The following LINS1 variants were observed in gnomAD, a reference collection of about 807,000 sequenced individuals.
LINS1 encodes the protein protein Lines homolog 1.
LINS1 carries 27 observed loss-of-function variants against 41.6 expected under a neutral mutation model. The observed-to-expected ratio is 0.65, with a 90% CI of 0.48 to 0.89. The LOEUF is 0.89. Among genes scored for constraint, LINS1 ranks in the 40% least tolerant of loss-of-function variants. LINS1 has a pLI of 0.00. For synonymous variants in LINS1, 336 were observed against 312.9 expected (o/e 1.07, Z -0.78); for missense variants, 955 against 884.1 (o/e 1.08, Z -1.02).
At chr15:100,596,990 T>G (rs994810564) in intron 1 of LINS1, 1 of 152,222 alleles carries the variant, frequency 6.6e-6, no homozygotes, top group Admixed American at 6.5e-5. Flanking sequence ...GCCCACCCAT[T>G]TCCTGGAAAC....
In LINS1 at chr15:100,587,031, C is replaced by T. The variant is rs149571304; in HGVS notation, c.-103-6086G>A. 6.0e-3 allele frequency among the ~76,000 whole-genome samples: 918 copies of T among 151,846 alleles called. 3 individuals carry two copies. Among genetic ancestry groups the T allele is most frequent in the Non-Finnish European group, 0.01 (691 of 67,930 alleles). On this transcript the variant is annotated intron_variant, in intron 1 of 6. Coordinates refer to ENST00000314742, the MANE Select transcript of LINS1 (RefSeq NM_001040616.3). ...AAAATTAGCTGGGCATGGTGGCCTG[C>T]GCCTGTACTCCCAGCCACTTGGGAG...
Position 100,580,903 on chromosome 15 carries a change from C to T in LINS1, c.-61G>A. On this transcript the variant is annotated 5_prime_UTR_variant, in exon 2 of 7. Coordinates refer to ENST00000314742, the MANE Select transcript of LINS1 (RefSeq NM_001040616.3). ...CAACTCCAAGTTGTAAACATTAAAT[C>T]TCAGAAGTGCAATGAATCTCTAAGA... 1 of 1,460,048 alleles carries T rather than the reference C, an allele frequency of 6.8e-7. No individual in the cohort carries two copies. Among genetic ancestry groups the T allele is most frequent in the South Asian group, 1.2e-5 (1 of 82,094 alleles). The allele number at this position is 1,460,048 out of a possible 1,614,324, so 90.4% of individuals were successfully genotyped here.
chr15:100,571,748 T>C (rs903531749), intron 6 of LINS1, 146 bp downstream of exon 6: 2 of 948,590 alleles, frequency 2.1e-6, no homozygotes, highest in African/African-American at 1.6e-5. Context: ...CTCCTTTTCA[T>C]GTAAGTCAGG....
At chr15:100,592,360 C>A (rs1281304307) in intron 1 of LINS1, among the ~76,000 whole-genome samples, 1 of 152,172 alleles carries the variant, frequency 6.6e-6, no homozygotes. Flanking sequence ...TGGATTTTTA[C>A]GGAGGCTTCT....
chr15:100,575,506 G>C (rs1479360569), intron 3 of LINS1, among the ~76,000 whole-genome samples: 1 of 152,038 alleles, frequency 6.6e-6, no homozygotes, highest in Non-Finnish European at 1.5e-5. Context: ...CAATACAAGA[G>C]CACCCAGATT....
At chr15:100,575,241 C>A in intron 3 of LINS1, 113 bp from the exon 4 acceptor site, 1 of 891,144 alleles carries the variant, frequency 1.1e-6, no homozygotes, top group Non-Finnish European at 1.7e-6. Context: ...TAATATGTGG[C>A]ACACCGAGAA....
At chr15:100,597,137 CCTT>C (rs2039285090) in intron 1 of LINS1, among the ~76,000 whole-genome samples, 1 of 152,184 alleles carries the variant, frequency 6.6e-6, no homozygotes, top group African/African-American at 2.4e-5. Context: ...CTGCAACAAA[CCTT>C]CTACATTTTC....
chr15:100,597,190 G>A (rs75039289), intron 1 of LINS1, among the ~76,000 whole-genome samples: 2,554 of 152,030 alleles, frequency 0.017, 71 homozygotes, highest in African/African-American at 0.059. Flanking sequence ...GCAGAGAAGC[G>A]AAGAACCTGA....
intron 1 of LINS1, among the ~76,000 whole-genome samples, chr15:100,590,739 G>A (rs369091932): frequency 1.2e-3 from 181 of 152,276 alleles, no homozygotes; most frequent in African/African-American, 4.0e-3. Context: ...CATCGTAGGG[G>A]ATTAACAAAG....
At chr15:100,589,633 C>T in intron 1 of LINS1, among the ~76,000 whole-genome samples, 1 of 152,084 alleles carries the variant, frequency 6.6e-6, no homozygotes, top group East Asian at 1.9e-4. Context: ...ATAAAATGAT[C>T]CAAATTGAAT....
intron 1 of LINS1, among the ~76,000 whole-genome samples, chr15:100,590,234 T>C (rs1401013073): frequency 6.6e-6 from 1 of 152,160 alleles, no homozygotes; most frequent in African/African-American, 2.4e-5. Flanking sequence ...CCAAGAACAA[T>C]AGAAATGAAA....
rs1277370238 is a variant in LINS1, at chr15:100,569,805, G to T, written c.1707C>A (p.Ser569=). The change falls in exon 7 of 7, where the codon TCC becomes TCA. Residue 569 remains serine (S), a synonymous_variant. Transcript: ENST00000314742. ...TCAAACGATGGGGTATTGTTTGGTTGGAGCTTTGGTCTTGGACAAGTGAGG... is the reference window on the plus strand; with the variant it reads ...TCAAACGATGGGGTATTGTTTGGTTTGAGCTTTGGTCTTGGACAAGTGAGG... The part of the protein sequence containing the change: ...CVPSLVQDQS[S]NQTIPHRLTA... 1.9e-6 allele frequency: 3 copies of T among 1,614,122 alleles called. No homozygotes were observed. The highest frequency in any genetic ancestry group is 2.5e-6 in the Non-Finnish European group (3 of 1,179,996).
chr15:100,575,920 G>C (rs2038146980), intron 3 of LINS1, among the ~76,000 whole-genome samples: 2 of 152,320 alleles, frequency 1.3e-5, no homozygotes, highest in Admixed American at 6.5e-5. Flanking sequence ...GCTCCTGAAT[G>C]ACTACTGGGT....
chr15:100,571,791 C>G (rs2037840076), intron 6 of LINS1, 103 bp downstream of exon 6: 3 of 1,346,882 alleles, frequency 2.2e-6, no homozygotes, highest in Non-Finnish European at 3.2e-6. Flanking sequence ...GGATGTTTTC[C>G]CCCAAATGAT....
chr15:100,569,542 G>C lies in LINS1; in HGVS notation c.1970C>G (p.Thr657Ser). Reference protein sequence around the residue: ...SKQTSLHQQATKEIQDAAGTS... With the variant: ...SKQTSLHQQASKEIQDAAGTS... ...CCCAGCTGCATCCTGAATCTCCTTA[G>C]TTGCTTGCTGGTGTAAAGATGTCTG... Residue 657 changes from threonine (T) to serine (S), a missense_variant, in exon 7 of 7, where the codon ACT (threonine) becomes AGT (serine). Physicochemically the swap from Thr to Ser is moderately conservative, Grantham distance 58. Transcript: ENST00000314742. The C allele has an allele frequency of 6.2e-7, 1 of 1,614,154 alleles. No individual in the cohort carries two copies. Among genetic ancestry groups the C allele is most frequent in the Non-Finnish European group, 8.5e-7 (1 of 1,180,028 alleles).
chr15:100,583,154 G>C (rs1049615903), intron 1 of LINS1, among the ~76,000 whole-genome samples: 1 of 150,830 alleles, frequency 6.6e-6, no homozygotes, highest in Non-Finnish European at 1.5e-5. Flanking sequence ...GCCTAGTCTT[G>C]GTCTTACACT....
intron 3 of LINS1, among the ~76,000 whole-genome samples, chr15:100,578,618 G>A (rs1173231284): frequency 2.0e-5 from 3 of 152,204 alleles, no homozygotes; most frequent in African/African-American, 7.2e-5. Context: ...ACAGTGTGGC[G>A]ATTCCTCAGG....
chr15:100,579,411 T>TA (rs1408046753), intron 3 of LINS1, among the ~76,000 whole-genome samples: 4 of 150,606 alleles, frequency 2.7e-5, no homozygotes, highest in East Asian at 1.9e-4. Context: ...ATTTTTTTTT[T>TA]AATTACTGCA....
At chr15:100,570,446 C>T (rs907458618) in intron 6 of LINS1, 2 of 213,042 alleles carry the variant, frequency 9.4e-6, no homozygotes, top group African/African-American at 2.3e-5. Context: ...AACCTCCTTC[C>T]TTACCCTCAA....
Sources: gnomAD v4.1 joint callset for allele counts (sites outside exome capture counted in the v4.1 genomes callset) on GRCh38, gnomAD v4.1.1 for gene constraint, MANE v1.5 for transcripts, NCBI Gene and HGNC (gene_info 2026-07-23, HGNC 2026-07-21) for gene names.